UGT1A3: variants seen among roughly 807,000 people sequenced by gnomAD.
UGT1A3 encodes the protein UDP-glucuronosyltransferase 1A3.
A neutral mutation model predicts 41.0 loss-of-function variants in UGT1A3; 31 were observed. The observed-to-expected ratio is 0.76, with a 90% CI of 0.57 to 1.02. The LOEUF (loss-of-function observed/expected upper bound fraction) is 1.02. Ranked by LOEUF, UGT1A3 falls within the 50% of genes least tolerant of loss-of-function variation. UGT1A3 has a pLI of 0.00. For synonymous variants in UGT1A3, 262 were observed against 257.6 expected (o/e 1.02, Z -0.17); for missense variants, 737 against 671.0 (o/e 1.10, Z -1.09).
At chr2:233,737,930 G>C (rs867585936) in intron 1 of UGT1A3, among the ~76,000 whole-genome samples, 3 of 152,128 alleles carry the variant, frequency 2.0e-5, no homozygotes, top group African/African-American at 7.2e-5. Flanking sequence ...ATTTAGTAGT[G>C]AGTCCATTGA....
intron 1 of UGT1A3, chr2:233,761,197 G>A (rs369591851): frequency 3.7e-6 from 6 of 1,613,996 alleles, no homozygotes; most frequent in Non-Finnish European, 5.1e-6. Flanking sequence ...TCTTTCAGAT[G>A]TATTACTTTG....
intron 1 of UGT1A3, chr2:233,747,599 G>A: frequency 6.3e-7 from 1 of 1,574,950 alleles, no homozygotes; most frequent in Non-Finnish European, 8.7e-7. Flanking sequence ...GGTCTTGTGT[G>A]GAGCTACTGC....
At position 233,757,353 on chromosome 2, in the gene UGT1A3, G is replaced by A. The variant is rs373045458; in HGVS notation, c.868-9681G>A. The stretch of plus-strand genomic sequence containing the variant: ...GGGACCATGACAGCTGGGTCTGAGA[G>A]ACAGTGGTAGAAACATCCAGATTCA... On this transcript the variant is annotated intron_variant, in intron 1 of 4. Transcript: ENST00000482026. Among the ~76,000 whole-genome samples, 3 of 151,254 alleles carry A rather than the reference G, an allele frequency of 2.0e-5. No homozygotes were observed. The East Asian group carries it at 5.9e-4, about 30-fold the overall frequency.
At chr2:233,772,069 T>A (rs2126064958) in intron 4 of UGT1A3, among the ~76,000 whole-genome samples, 193 bp from the exon 5 acceptor site, 1 of 152,274 alleles carries the variant, frequency 6.6e-6, no homozygotes, top group East Asian at 1.9e-4. Context: ...GCCATGCTTG[T>A]GCCACTACAC....
intron 1 of UGT1A3, among the ~76,000 whole-genome samples, chr2:233,753,936 A>C (rs545743741): frequency 2.6e-5 from 4 of 152,192 alleles, no homozygotes; most frequent in Non-Finnish European, 5.9e-5. Flanking sequence ...ATGGGATTCA[A>C]ATGTATGACC....
At chr2:233,755,342 A>G in intron 1 of UGT1A3, 1 of 423,680 alleles carries the variant, frequency 2.4e-6, no homozygotes, top group Non-Finnish European at 4.1e-6. Flanking sequence ...CGCACAGGTC[A>G]GAGGCTTGGC....
chr2:233,730,336 A>G (rs552905312), intron 1 of UGT1A3, among the ~76,000 whole-genome samples: 1 of 152,310 alleles, frequency 6.6e-6, no homozygotes, highest in African/African-American at 2.4e-5. Flanking sequence ...TACGTTTGGA[A>G]CTGATCCATC....
At chr2:233,768,071 G>T in intron 3 of UGT1A3, 135 bp downstream of exon 3, 1 of 1,595,002 alleles carries the variant, frequency 6.3e-7, no homozygotes, top group Non-Finnish European at 8.6e-7. Flanking sequence ...TTTATCTAGT[G>T]GGGTATCTCA....
At position 233,767,893 on chromosome 2, in the gene UGT1A3, CA is replaced by C. The variant is rs745655794; in HGVS notation, c.1046del (p.Asn349ThrfsTer18). ...TGTRPSNLAN[N>X]TILVKWLPQN... ...GAACCCGACCATCGAATCTTGCGAA[CA>C]ACACGATACTTGTTAAGTGGCTACC... On this transcript the variant is annotated frameshift_variant, in exon 3 of 5. Coordinates refer to ENST00000482026, the MANE Select transcript of UGT1A3 (RefSeq NM_019093.4). LOFTEE classifies it high-confidence loss of function. The C allele has an allele frequency of 3.1e-6, 5 of 1,614,158 alleles. No individual in the cohort carries two copies. In the South Asian group the frequency reaches 5.5e-5, roughly 18 times the overall value.
chr2:233,750,449 A>G (rs1225472187), intron 1 of UGT1A3, among the ~76,000 whole-genome samples: 4 of 151,972 alleles, frequency 2.6e-5, no homozygotes, highest in South Asian at 4.1e-4. Context: ...AGAAATTCAA[A>G]CCAGCTACAG....
intron 1 of UGT1A3, chr2:233,754,643 CTCAA>C (rs886471187): frequency 6.7e-6 from 3 of 449,160 alleles, no homozygotes; most frequent in Non-Finnish European, 8.9e-6. Context: ...CTTGGCCATT[CTCAA>C]TGATTCTCTT....
chr2:233,729,868 A>G lies in UGT1A3; in HGVS notation c.742A>G (p.Ile248Val), dbSNP rs754430297. ...LFQREVSVVDILSHASVWLFR... is the reference protein window; with the variant it reads ...LFQREVSVVDVLSHASVWLFR... ...TCAGAGAGAGGTGTCAGTGGTGGAT[A>G]TTCTCAGTCATGCATCTGTGTGGCT... Residue 248 changes from isoleucine to valine, a missense_variant, in exon 1 of 5, where the codon ATT (isoleucine) becomes GTT (valine). Ile to Val is a conservative substitution (Grantham distance 29, BLOSUM62 3). Transcript: ENST00000482026. 6.2e-7 allele frequency: 1 copy of G among 1,613,720 alleles called. No homozygotes were observed. Among genetic ancestry groups the G allele is most frequent in the Non-Finnish European group, 8.5e-7 (1 of 1,179,808 alleles).
Position 233,729,742 on chromosome 2 carries a change from A to G in UGT1A3, c.616A>G (p.Thr206Ala), listed in dbSNP as rs573582484. ...RLLTTNSDHMTFMQRVKNMLY... is the reference protein window; with the variant it reads ...RLLTTNSDHMAFMQRVKNMLY... ...ACTAACAACCAATTCAGACCACATG[A>G]CATTCATGCAAAGGGTCAAGAACAT... The change falls in exon 1 of 5, where the codon ACA becomes GCA. Residue 206 changes from threonine (T) to alanine (A), a missense_variant. Thr to Ala is a moderately conservative substitution (Grantham distance 58, BLOSUM62 0). Transcript: ENST00000482026. The G allele has an allele frequency of 1.2e-6, 2 of 1,613,974 alleles. No individual in the cohort carries two copies. Among genetic ancestry groups the G allele is most frequent in the East Asian group, 2.2e-5 (1 of 44,880 alleles).
chr2:233,736,452 G>A (rs1396481734), intron 1 of UGT1A3, among the ~76,000 whole-genome samples: 6 of 152,126 alleles, frequency 3.9e-5, no homozygotes, highest in Non-Finnish European at 7.3e-5. Flanking sequence ...CAATAGGTTC[G>A]AACATGCACT....
At chr2:233,760,285 G>C (rs376515645) in intron 1 of UGT1A3, 1 of 1,612,934 alleles carries the variant, frequency 6.2e-7, no homozygotes, top group East Asian at 2.2e-5. Flanking sequence ...GAGCAAAGGC[G>C]CCATGGCTGT....
chr2:233,748,112 C>G (rs879064318), intron 1 of UGT1A3: 2 of 1,611,964 alleles, frequency 1.2e-6, no homozygotes, highest in South Asian at 2.2e-5. Context: ...AATCAATGTT[C>G]CAGGCAAAAC....
Position 233,769,484 on chromosome 2 carries a change from T to C in UGT1A3, c.1307+1045T>C, listed in dbSNP as rs774504306. 6.2e-6 allele frequency: 10 copies of C among 1,612,518 alleles called. No homozygotes were observed. The South Asian group carries it at 9.9e-5, about 16-fold the overall frequency. Reference sequence around the variant, plus strand: ...ATATGCGTGTGTGTGTGTGTGCGTGTGTTTATGAGAGTGTCCATTGCTTTC... The same window carrying C: ...ATATGCGTGTGTGTGTGTGTGCGTGCGTTTATGAGAGTGTCCATTGCTTTC... On this transcript the variant is annotated intron_variant, in intron 4 of 4. Coordinates refer to ENST00000482026, the MANE Select transcript of UGT1A3 (RefSeq NM_019093.4). This position sits in a 1 kb window ranked among gnomAD's most constrained non-coding sequence, Gnocchi z 4.4.
intron 4 of UGT1A3, chr2:233,770,235 A>G (rs930818021): frequency 6.6e-6 from 1 of 152,226 alleles, no homozygotes; most frequent in Non-Finnish European, 1.5e-5. Flanking sequence ...GTGAATCTCC[A>G]TGATTCCAAC....
intron 1 of UGT1A3, chr2:233,747,259 G>A: frequency 6.2e-7 from 1 of 1,600,500 alleles, no homozygotes; most frequent in South Asian, 1.1e-5. Context: ...GGCCACAGGA[G>A]TGCTACTCCT....
Sources: allele counts gnomAD v4.1 joint callset (sites outside exome capture counted in the v4.1 genomes callset), GRCh38; gene constraint gnomAD v4.1.1; non-coding constraint Gnocchi (gnomAD v3.1); transcripts MANE v1.5; gene names NCBI Gene and HGNC (gene_info 2026-07-23, HGNC 2026-07-21).